Variants in AHI1 observed in about 807,000 individuals in gnomAD.
AHI1 encodes the protein jouberin.
In AHI1, 123 loss-of-function variants were observed where a neutral mutation model predicts 149.3. The observed-to-expected ratio is 0.82, with a 90% CI of 0.71 to 0.96. The LOEUF is 0.96. AHI1 is among the 40% of genes least tolerant of loss of function. The pLI is 0.00. For synonymous variants in AHI1, 475 were observed against 459.8 expected (o/e 1.03, Z -0.42); for missense variants, 1,439 against 1,422.7 (o/e 1.01, Z -0.18).
In AHI1 at chr6:135,433,174, G is replaced by T. The variant is rs753087412; in HGVS notation, c.2119C>A (p.Pro707Thr). 6.2e-7 allele frequency: 1 copy of T among 1,613,132 alleles called. No individual in the cohort carries two copies. Among genetic ancestry groups the T allele is most frequent in the Non-Finnish European group, 8.5e-7 (1 of 1,179,210 alleles). ...PSFVYTAKFH[P>T]AVRELVVTGC... The stretch of plus-strand genomic sequence containing the variant: ...GTAACTACTAGCTCTCTTACAGCTG[G>T]ATGGAATTTAGCCGTGTAAACAAAA... Residue 707 changes from proline to threonine, a missense_variant, in exon 16 of 29, where the codon CCA (proline) becomes ACA (threonine). Pro to Thr is a conservative substitution (Grantham distance 38). Transcript: ENST00000265602.
intron 21 of AHI1, among the ~76,000 whole-genome samples, chr6:135,407,242 T>C (rs543417149): frequency 6.6e-6 from 1 of 152,252 alleles, no homozygotes; most frequent in South Asian, 2.1e-4. Context: ...TGTACCATAA[T>C]TTATTAGAAA....
At chr6:135,473,718 G>A (rs1583418929) in intron 5 of AHI1, among the ~76,000 whole-genome samples, 1 of 150,782 alleles carries the variant, frequency 6.6e-6, no homozygotes, top group Non-Finnish European at 1.5e-5. Context: ...GCACATTTTT[G>A]ATAAATTTAT....
At position 135,412,019 on chromosome 6, in the gene AHI1, C is replaced by T. The variant is rs545893497; in HGVS notation, c.2765-475G>A. On this transcript the variant is annotated intron_variant, in intron 20 of 28. Coordinates refer to ENST00000265602, the MANE Select transcript of AHI1 (RefSeq NM_001134831.2). ...AGTATTTCTTACATTTCTACAATGA[C>T]GTAATTATAATTATTAAATGTTTTA... Among the ~76,000 whole-genome samples, 14 of 151,970 alleles carry T rather than the reference C, an allele frequency of 9.2e-5. No homozygotes were observed. In the South Asian group the frequency reaches 1.2e-3, roughly 14 times the overall value.
chr6:135,429,246 TACATA>T (rs1202987219), intron 18 of AHI1, among the ~76,000 whole-genome samples: 1 of 151,724 alleles, frequency 6.6e-6, no homozygotes, highest in Non-Finnish European at 1.5e-5. Context: ...CTAAATATGG[TACATA>T]GCCTTCCATA....
At chr6:135,416,591 T>C (rs1475623810) in intron 20 of AHI1, among the ~76,000 whole-genome samples, 1 of 152,022 alleles carries the variant, frequency 6.6e-6, no homozygotes, top group East Asian at 1.9e-4. Flanking sequence ...AATGGAAAAT[T>C]GCTCATATTA....
At chr6:135,439,015 A>G (rs928891523) in intron 14 of AHI1, among the ~76,000 whole-genome samples, 6 of 152,222 alleles carry the variant, frequency 3.9e-5, no homozygotes, top group African/African-American at 1.4e-4. Flanking sequence ...CACACAAAGC[A>G]CTGTGGTATT....
chr6:135,391,273 T>A (rs1582991757), intron 23 of AHI1, among the ~76,000 whole-genome samples: 1 of 152,182 alleles, frequency 6.6e-6, no homozygotes, highest in Non-Finnish European at 1.5e-5. Flanking sequence ...AGTACCCAAC[T>A]TTTTTGGCAC....
chr6:135,369,611 C>A (rs1774730063), intron 23 of AHI1, among the ~76,000 whole-genome samples: 1 of 152,198 alleles, frequency 6.6e-6, no homozygotes. Flanking sequence ...ATTCCAGTTG[C>A]ATGTTTAATC....
intron 23 of AHI1, among the ~76,000 whole-genome samples, chr6:135,373,248 T>A (rs558961480): frequency 5.6e-4 from 85 of 151,230 alleles, no homozygotes; most frequent in Non-Finnish European, 1.2e-3. Context: ...ACCTTTTCTA[T>A]GTTTAGATAC....
intron 9 of AHI1, 30 bp from the exon 10 acceptor site, chr6:135,455,956 C>T: frequency 7.5e-7 from 1 of 1,339,340 alleles, no homozygotes; most frequent in Non-Finnish European, 9.7e-7. Context: ...TCCATTAACA[C>T]AATTTTCATA....
At chr6:135,292,372 C>T (rs1027874863) in intron 27 of AHI1, among the ~76,000 whole-genome samples, 1 of 152,168 alleles carries the variant, frequency 6.6e-6, no homozygotes, top group Non-Finnish European at 1.5e-5. Context: ...CTCTCACAAT[C>T]TATATACAAT....
intron 26 of AHI1, chr6:135,300,826 A>C: frequency 8.9e-7 from 1 of 1,121,940 alleles, no homozygotes; most frequent in Non-Finnish European, 1.1e-6. Flanking sequence ...CAAAAAAAAA[A>C]AAAAAAAATC....
intron 22 of AHI1, among the ~76,000 whole-genome samples, chr6:135,401,713 T>C (rs1365653737): frequency 6.6e-6 from 1 of 152,214 alleles, no homozygotes; most frequent in South Asian, 2.1e-4. Context: ...GACCTGAATG[T>C]AAGATTTAAA....
At chr6:135,416,122 T>C (rs1160990760) in intron 20 of AHI1, among the ~76,000 whole-genome samples, 1 of 152,082 alleles carries the variant, frequency 6.6e-6, no homozygotes, top group African/African-American at 2.4e-5. Context: ...AATAGTTCAG[T>C]TTATAATATG....
chr6:135,448,744 C>T lies in AHI1; in HGVS notation c.1441-269G>A, dbSNP rs527944605. Among the ~76,000 whole-genome samples the T allele has an allele frequency of 7.5e-4, 114 of 152,254 alleles. 2 individuals are homozygous for T. The South Asian group carries it at 0.022, about 29-fold the overall frequency. On this transcript the variant is annotated intron_variant, in intron 11 of 28. Transcript: ENST00000265602. The stretch of plus-strand genomic sequence containing the variant: ...TTTCAGACTGTCGGTACAGCATTTA[C>T]ATTACTGTGCCAGATTTCACGCTGA...
intron 23 of AHI1, among the ~76,000 whole-genome samples, chr6:135,376,425 C>G (rs1029633950): frequency 6.6e-6 from 1 of 152,176 alleles, no homozygotes; most frequent in Non-Finnish European, 1.5e-5. Flanking sequence ...AAGGACTAAA[C>G]TTGACAACAC....
At chr6:135,323,774 G>A (rs1354748597) in intron 24 of AHI1, among the ~76,000 whole-genome samples, 1 of 152,060 alleles carries the variant, frequency 6.6e-6, no homozygotes, top group Non-Finnish European at 1.5e-5. Context: ...GTATTGCTTG[G>A]TTTACTGTTA....
At chr6:135,362,291 T>G (rs966165312) in intron 23 of AHI1, among the ~76,000 whole-genome samples, 1 of 152,194 alleles carries the variant, frequency 6.6e-6, no homozygotes, top group Non-Finnish European at 1.5e-5. Flanking sequence ...TGACTTTTTT[T>G]TCCCTCTGGG....
chr6:135,436,358 T>C lies in AHI1; in HGVS notation c.2036+2017A>G, dbSNP rs140736045. The stretch of plus-strand genomic sequence containing the variant: ...TCAAGACTGGTCAATAATCAATTAC[T>C]ACAGTGAAGGCAAGCAGAGCAGGAG... On this transcript the variant is annotated intron_variant, in intron 15 of 28. Coordinates refer to ENST00000265602, the MANE Select transcript of AHI1 (RefSeq NM_001134831.2). Among the ~76,000 whole-genome samples, 437 of 152,276 alleles carry C rather than the reference T, an allele frequency of 2.9e-3. 6 individuals are homozygous for C. Among genetic ancestry groups the C allele is most frequent in the Middle Eastern group, 0.014 (4 of 294 alleles).
Sources: allele counts gnomAD v4.1 joint callset (sites outside exome capture counted in the v4.1 genomes callset), GRCh38; gene constraint gnomAD v4.1.1; transcripts MANE v1.5; gene names NCBI Gene and HGNC (gene_info 2026-07-23, HGNC 2026-07-21).